Variants in PNPLA7 observed in about 807,000 individuals in gnomAD.
PNPLA7 encodes the protein patatin like domain 7, lysophospholipase.
PNPLA7 carries 153 observed loss-of-function variants against 161.7 expected under a neutral mutation model. That is an observed-to-expected ratio of 0.95 (90% confidence interval 0.83 to 1.08). PNPLA7 has a LOEUF of 1.08. Ranked by LOEUF, PNPLA7 falls within the 50% of genes least tolerant of loss-of-function variation. PNPLA7 has a pLI of 0.00. For missense variants in PNPLA7, 1,739 were observed against 1,856.6 expected (o/e 0.94, Z 1.16); for synonymous variants, 809 against 782.1 (o/e 1.03, Z -0.57).
chr9:137,522,075 AT>A (rs1404198105), intron 9 of PNPLA7, among the ~76,000 whole-genome samples: 9 of 152,186 alleles, frequency 5.9e-5, no homozygotes, highest in African/African-American at 2.2e-4. Flanking sequence ...TTTAAGATAT[AT>A]ATTACAATTT....
At chr9:137,539,035 G>C (rs1056812091) in intron 8 of PNPLA7, among the ~76,000 whole-genome samples, 2 of 152,166 alleles carry the variant, frequency 1.3e-5, no homozygotes, top group Non-Finnish European at 2.9e-5. Context: ...CTGGGCAACA[G>C]AGCAAGACCC....
rs112219485 is a variant in PNPLA7, at chr9:137,462,485, C to T, written c.3493-154G>A. 3.6e-5 allele frequency: 50 copies of T among 1,392,928 alleles called. No homozygotes were observed. The African/African-American group carries it at 6.5e-4, about 18-fold the overall frequency. The allele number at this position is 1,392,928 out of a possible 1,614,324, so 86.3% of individuals were successfully genotyped here. On this transcript the variant is annotated intron_variant, in intron 30 of 34. Transcript: ENST00000406427. ...AGCACCCGGCCGGGGGTCCTCCCTG[C>T]GGGCTGCCACAGCCTTCAGGCCCGT...
At position 137,547,311 on chromosome 9, in the gene PNPLA7, A is replaced by C. The variant is rs1836587718; in HGVS notation, c.191T>G (p.Phe64Cys). The change falls in exon 3 of 35, where the codon TTT becomes TGT. Residue 64 changes from phenylalanine to cysteine, a missense_variant and splice_region_variant. By Grantham distance (205) the Phe-to-Cys change is radical. Coordinates refer to ENST00000406427, the MANE Select transcript of PNPLA7 (RefSeq NM_001098537.3). The surrounding 1 kb of genome is among the most constrained non-coding windows in gnomAD (Gnocchi z 4.6). ...ILFMFRRLRQ[F>C]RQAQPTPQYR... ...AGAGTCGGAACCAAGATACTCACGAAATTGTCTAAGCCTTCTGAACATGAA... is the reference window on the plus strand; with the variant it reads ...AGAGTCGGAACCAAGATACTCACGACATTGTCTAAGCCTTCTGAACATGAA... 3 of 1,613,350 alleles carry C rather than the reference A, an allele frequency of 1.9e-6. No homozygotes were observed. The highest frequency in any genetic ancestry group is 1.3e-5 in the African/African-American group (1 of 74,934).
At chr9:137,502,112 C>A (rs1833461258) in intron 14 of PNPLA7, among the ~76,000 whole-genome samples, 1 of 152,186 alleles carries the variant, frequency 6.6e-6, no homozygotes. Flanking sequence ...CAGAATGATG[C>A]CCTCCAGGGC....
At position 137,461,622 on chromosome 9, in the gene PNPLA7, T is replaced by C; in HGVS notation, c.3757-2A>G. On this transcript the variant is annotated splice_acceptor_variant, in intron 32 of 34. Transcript: ENST00000406427. LOFTEE classifies it high-confidence loss of function. ...GGAGGCGTTGGGACAGGTGAGGACC[T>C]AGGGGTGGGGTGAGGACAGCACGTT... The C allele has an allele frequency of 6.2e-7, 1 of 1,609,944 alleles. No individual in the cohort carries two copies. The highest frequency in any genetic ancestry group is 8.5e-7 in the Non-Finnish European group (1 of 1,178,014).
At chr9:137,491,536 T>C (rs1326430034) in intron 20 of PNPLA7, 17 of 985,144 alleles carry the variant, frequency 1.7e-5, no homozygotes, top group Admixed American at 6.2e-5. Flanking sequence ...TCCCCCAAAA[T>C]TCACAGTGCA....
intron 8 of PNPLA7, among the ~76,000 whole-genome samples, chr9:137,535,260 G>A (rs1835821983): frequency 6.6e-6 from 1 of 152,170 alleles, no homozygotes; most frequent in African/African-American, 2.4e-5. Flanking sequence ...TGTTCAATAA[G>A]AACTTCATTC....
At chr9:137,526,518 C>A (rs1351464146) in intron 8 of PNPLA7, among the ~76,000 whole-genome samples, 2 of 152,130 alleles carry the variant, frequency 1.3e-5, no homozygotes, top group Non-Finnish European at 2.9e-5. Context: ...ACCTCATGAT[C>A]CACCCGCCTC....
chr9:137,462,054 C>T lies in PNPLA7; in HGVS notation c.3646-13G>A. On this transcript the variant is annotated splice_polypyrimidine_tract_variant and intron_variant, in intron 31 of 34. Transcript: ENST00000406427. Reference sequence around the variant, plus strand: ...GGTAGCCCACTTCCTGTGCACACCCCCAGGGCCCCGTCAGGAGGTGTGGGG... The same window carrying T: ...GGTAGCCCACTTCCTGTGCACACCCTCAGGGCCCCGTCAGGAGGTGTGGGG... 6.4e-7 allele frequency: 1 copy of T among 1,569,698 alleles called. No individual in the cohort carries two copies. The highest frequency in any genetic ancestry group is 8.6e-7 in the Non-Finnish European group (1 of 1,156,900).
intron 4 of PNPLA7, among the ~76,000 whole-genome samples, chr9:137,545,470 T>C (rs906358844): frequency 1.3e-4 from 20 of 152,190 alleles, no homozygotes; most frequent in Non-Finnish European, 2.5e-4. Flanking sequence ...CAGCTTTCCG[T>C]TCTCACTTAT....
intron 32 of PNPLA7, 72 bp downstream of exon 32, chr9:137,461,859 T>C (rs1349682779): frequency 1.4e-6 from 2 of 1,429,862 alleles, no homozygotes; most frequent in East Asian, 2.5e-5. Context: ...CCTGATGAAC[T>C]GGGCGTGGGC....
chr9:137,501,302 C>T lies in PNPLA7; in HGVS notation c.1551+348G>A, dbSNP rs562379068. 4.1e-4 allele frequency among the ~76,000 whole-genome samples: 63 copies of T among 152,320 alleles called. 1 individual carries two copies. In the East Asian group the frequency reaches 0.012, roughly 28 times the overall value. ...CACTGAGCCCCCGGCACACGCCACGCGTTTTGGTCCCACATCTGCAGATGT... is the reference window on the plus strand; with the variant it reads ...CACTGAGCCCCCGGCACACGCCACGTGTTTTGGTCCCACATCTGCAGATGT... On this transcript the variant is annotated intron_variant, in intron 15 of 34. Transcript: ENST00000406427.
chr9:137,522,996 G>C, intron 8 of PNPLA7, 139 bp from the exon 9 acceptor site: 1 of 1,220,180 alleles, frequency 8.2e-7, no homozygotes, highest in East Asian at 2.4e-5. Context: ...AGGCTGGGCT[G>C]TGCAAAGTGC....
At chr9:137,508,700 A>G (rs1834047111) in intron 12 of PNPLA7, 1 of 152,234 alleles carries the variant, frequency 6.6e-6, no homozygotes, top group Non-Finnish European at 1.5e-5. Context: ...GATTTCTTAA[A>G]CAGGACACAA....
intron 4 of PNPLA7, among the ~76,000 whole-genome samples, chr9:137,545,762 G>A (rs369623791): frequency 6.6e-6 from 1 of 152,152 alleles, no homozygotes; most frequent in South Asian, 2.1e-4. Flanking sequence ...GTGACCAGAA[G>A]ACAAGAGTGC....
intron 31 of PNPLA7, 42 bp downstream of exon 31, chr9:137,462,137 T>G: frequency 6.5e-7 from 1 of 1,530,640 alleles, no homozygotes; most frequent in Non-Finnish European, 8.8e-7. Context: ...GCCACCAGAG[T>G]GCCTCCGCCC....
At chr9:137,461,461 T>TG (rs945083661) in intron 33 of PNPLA7, 75 bp downstream of exon 33, 146 of 1,190,478 alleles carry the variant, frequency 1.2e-4, no homozygotes, top group African/African-American at 1.5e-4. Flanking sequence ...GCCTCTGGGG[T>TG]GGGGGGGTTC....
rs941074305 is a variant in PNPLA7, at chr9:137,537,310, A to T, written c.747+3332T>A. Among the ~76,000 whole-genome samples the T allele has an allele frequency of 5.9e-5, 9 of 151,952 alleles. No homozygotes were observed. Among genetic ancestry groups the T allele is most frequent in the Admixed American group, 5.2e-4 (8 of 15,250 alleles). On this transcript the variant is annotated intron_variant, in intron 8 of 34. Coordinates refer to ENST00000406427, the MANE Select transcript of PNPLA7 (RefSeq NM_001098537.3). The surrounding 1 kb of genome is among the most constrained non-coding windows in gnomAD (Gnocchi z 4.5). ...CAATACAGAATTACCTCTCTCAGAT[A>T]TCACCCCCATTTTTTTTTTTGAGAC...
intron 16 of PNPLA7, 139 bp from the exon 17 acceptor site, chr9:137,498,384 A>G: frequency 7.7e-7 from 1 of 1,299,288 alleles, no homozygotes; most frequent in Non-Finnish European, 1.1e-6. Context: ...AGGGGCTGGG[A>G]CGGGGCACGC....
Sources: gnomAD v4.1 joint callset for allele counts (sites outside exome capture counted in the v4.1 genomes callset) on GRCh38, gnomAD v4.1.1 for gene constraint, Gnocchi (gnomAD v3.1) non-coding constraint, MANE v1.5 for transcripts, NCBI Gene and HGNC (gene_info 2026-07-23, HGNC 2026-07-21) for gene names.